PSMB7: variants seen among roughly 807,000 people sequenced by gnomAD.
PSMB7 encodes proteasome subunit beta type-7.
PSMB7 carries 5 observed loss-of-function variants against 28.1 expected under a neutral mutation model. The ratio of observed to expected loss-of-function variants is 0.18; its 90% CI spans 0.09 to 0.37. The LOEUF is 0.37. PSMB7 is among the 10% of genes least tolerant of loss of function. PSMB7 has a pLI of 1.00. For synonymous variants in PSMB7, 122 were observed against 123.7 expected (o/e 0.99, Z 0.09); for missense variants, 275 against 346.2 (o/e 0.79, Z 1.63).
intron 6 of PSMB7, chr9:124,384,355 A>G (rs1830698154): frequency 2.3e-6 from 1 of 443,166 alleles, no homozygotes; most frequent in South Asian, 6.0e-5. Context: ...AGATTCCTAG[A>G]CAGCCCAAAG....
intron 5 of PSMB7, among the ~76,000 whole-genome samples, chr9:124,398,946 G>A (rs986462296): frequency 8.0e-5 from 12 of 149,518 alleles, no homozygotes; most frequent in African/African-American, 3.0e-4. Context: ...GCACCCAGCA[G>A]ACTCTGGCAC....
chr9:124,382,200 C>CTTTTTTTTT (rs1164339420), intron 6 of PSMB7, among the ~76,000 whole-genome samples: 8 of 55,962 alleles, frequency 1.4e-4, no homozygotes, highest in Admixed American at 9.4e-4. Context: ...TCTCTTTTCT[C>CTTTTTTTTT]TTTTTTTTTT....
intron 6 of PSMB7, among the ~76,000 whole-genome samples, chr9:124,377,385 A>G (rs1027656996): frequency 1.3e-5 from 2 of 152,202 alleles, no homozygotes; most frequent in African/African-American, 4.8e-5. Context: ...TATATGCCAA[A>G]TAGCACAATT....
chr9:124,405,264 A>AC, intron 5 of PSMB7, 53 bp downstream of exon 5: 2 of 1,249,872 alleles, frequency 1.6e-6, no homozygotes, highest in Non-Finnish European at 2.3e-6. Flanking sequence ...TCTTCAAGAG[A>AC]CCATCGTGGT....
At chr9:124,384,499 C>T in intron 6 of PSMB7, 99 bp downstream of exon 6, 1 of 1,095,284 alleles carries the variant, frequency 9.1e-7, no homozygotes, top group Non-Finnish European at 1.3e-6. Flanking sequence ...AACAACAGTG[C>T]TGTACAAGCT....
chr9:124,381,334 TTA>T (rs1830662670), intron 6 of PSMB7, among the ~76,000 whole-genome samples: 1 of 152,244 alleles, frequency 6.6e-6, no homozygotes. Flanking sequence ...AGCCAAGAGT[TTA>T]TTTCATAAGT....
intron 6 of PSMB7, among the ~76,000 whole-genome samples, chr9:124,362,948 T>C (rs1303748837): frequency 6.6e-6 from 1 of 152,214 alleles, no homozygotes; most frequent in African/African-American, 2.4e-5. Flanking sequence ...AAAAATTCCA[T>C]TCCTCTGATG....
chr9:124,354,053 C>T (rs1193853462), intron 7 of PSMB7, among the ~76,000 whole-genome samples: 2 of 152,178 alleles, frequency 1.3e-5, no homozygotes, highest in Non-Finnish European at 2.9e-5. Context: ...TCAGGGACAG[C>T]AGGAAGCAAA....
At chr9:124,357,432 T>TA (rs1374484281) in intron 6 of PSMB7, among the ~76,000 whole-genome samples, 1 of 152,206 alleles carries the variant, frequency 6.6e-6, no homozygotes, top group Non-Finnish European at 1.5e-5. Context: ...AGCTGAAAGT[T>TA]ACTTGAGAAA....
intron 5 of PSMB7, among the ~76,000 whole-genome samples, chr9:124,399,079 C>T (rs918996182): frequency 2.7e-5 from 4 of 148,374 alleles, no homozygotes; most frequent in Admixed American, 2.7e-4. Context: ...TGGGACCACA[C>T]AAATGGAACA....
At chr9:124,400,659 C>G (rs1376356088) in intron 5 of PSMB7, among the ~76,000 whole-genome samples, 1 of 152,226 alleles carries the variant, frequency 6.6e-6, no homozygotes, top group Non-Finnish European at 1.5e-5. Context: ...TTCTTGCCCT[C>G]CCAACTACAT....
intron 6 of PSMB7, among the ~76,000 whole-genome samples, chr9:124,359,224 G>A (rs1830445486): frequency 6.6e-6 from 1 of 152,114 alleles, no homozygotes; most frequent in East Asian, 1.9e-4. Flanking sequence ...ACCAATTCTA[G>A]GGAAGATCAT....
At chr9:124,386,700 G>A (rs1564681257) in intron 5 of PSMB7, among the ~76,000 whole-genome samples, 1 of 152,156 alleles carries the variant, frequency 6.6e-6, no homozygotes, top group Non-Finnish European at 1.5e-5. Context: ...ATTTAGCTAG[G>A]AGCTAACAAC....
At chr9:124,394,299 C>T (rs1830820570) in intron 5 of PSMB7, among the ~76,000 whole-genome samples, 1 of 152,190 alleles carries the variant, frequency 6.6e-6, no homozygotes, top group Non-Finnish European at 1.5e-5. Context: ...TGACTTTCCA[C>T]GTAGTCTGAC....
intron 2 of PSMB7, 142 bp downstream of exon 2, chr9:124,414,700 C>A: frequency 1.5e-6 from 1 of 680,464 alleles, no homozygotes; most frequent in Non-Finnish European, 2.6e-6. Context: ...CTGACAAAAG[C>A]AGTCGCTCCT....
intron 6 of PSMB7, among the ~76,000 whole-genome samples, chr9:124,380,517 G>C (rs1332406286): frequency 6.6e-6 from 1 of 152,044 alleles, no homozygotes; most frequent in African/African-American, 2.4e-5. Context: ...CTCCAGCCTG[G>C]GCAACAGAGC....
intron 6 of PSMB7, among the ~76,000 whole-genome samples, chr9:124,375,588 A>G (rs1174367918): frequency 6.6e-6 from 1 of 152,202 alleles, no homozygotes. Flanking sequence ...AAACCTAAAA[A>G]TCTGGAGAAG....
chr9:124,384,269 A>AT (rs1830697026), intron 6 of PSMB7: 1 of 275,616 alleles, frequency 3.6e-6, no homozygotes, highest in Admixed American at 5.2e-5. Context: ...AAAACCTGTC[A>AT]TTTTGAGATA....
At chr9:124,359,023 G>A (rs1830441841) in intron 6 of PSMB7, among the ~76,000 whole-genome samples, 1 of 152,250 alleles carries the variant, frequency 6.6e-6, no homozygotes, top group African/African-American at 2.4e-5. Context: ...ACAGTGCTAT[G>A]TAAGATTATG....
Sources: gnomAD v4.1 joint callset for allele counts (sites outside exome capture counted in the v4.1 genomes callset) on GRCh38, gnomAD v4.1.1 for gene constraint, MANE v1.5 for transcripts, NCBI Gene and HGNC (gene_info 2026-07-23, HGNC 2026-07-21) for gene names.